The following DENND1A variants were observed in gnomAD, a reference collection of about 807,000 sequenced individuals.
DENND1A encodes DENN domain-containing protein 1A.
Under a neutral mutation model 113.7 loss-of-function variants are expected in DENND1A, and 51 were observed. The ratio of observed to expected loss-of-function variants is 0.45; its 90% CI spans 0.36 to 0.57. The LOEUF is 0.57. Among genes scored for constraint, DENND1A ranks in the 20% least tolerant of loss-of-function variants. The probability of loss-of-function intolerance (pLI) is 0.00; values close to 1 mark genes in which losing one functional copy is unlikely to be tolerated. For synonymous variants in DENND1A, 565 were observed against 570.8 expected (o/e 0.99, Z 0.14); for missense variants, 1,258 against 1,395.9 (o/e 0.90, Z 1.57).
chr9:123,575,678 T>C (rs902131895), intron 12 of DENND1A, among the ~76,000 whole-genome samples: 3 of 152,222 alleles, frequency 2.0e-5, no homozygotes, highest in African/African-American at 7.2e-5. Flanking sequence ...AAATACATTC[T>C]AGCCCACACC....
intron 1 of DENND1A, among the ~76,000 whole-genome samples, chr9:123,912,755 T>C (rs78570337): frequency 0.038 from 5,788 of 152,176 alleles, 113 homozygotes; most frequent in Middle Eastern, 0.048. Flanking sequence ...AGTAACGAGG[T>C]TCCCCTTTCC....
chr9:123,509,374 C>T (rs76530899), intron 13 of DENND1A, among the ~76,000 whole-genome samples: 3,380 of 152,282 alleles, frequency 0.022, 105 homozygotes, highest in African/African-American at 0.075. Context: ...TTGCCACTTG[C>T]TAGCTGACTA....
chr9:123,880,754 AG>A (rs1167311347), intron 1 of DENND1A, among the ~76,000 whole-genome samples: 1 of 152,174 alleles, frequency 6.6e-6, no homozygotes, highest in African/African-American at 2.4e-5. Flanking sequence ...GGCCAGGACC[AG>A]AACTCATGCC....
At chr9:123,484,442 T>C (rs914491621) in intron 13 of DENND1A, among the ~76,000 whole-genome samples, 2 of 152,196 alleles carry the variant, frequency 1.3e-5, no homozygotes, top group Non-Finnish European at 2.9e-5. Flanking sequence ...ATGGTTATCA[T>C]GCCTTTAGCA....
chr9:123,551,436 T>C (rs2135883092), intron 13 of DENND1A, among the ~76,000 whole-genome samples: 1 of 152,338 alleles, frequency 6.6e-6, no homozygotes, highest in South Asian at 2.1e-4. Context: ...AGAGAGTTAC[T>C]AACACGGAAC....
At chr9:123,690,382 CTG>C (rs899538276) in intron 5 of DENND1A, among the ~76,000 whole-genome samples, 20 of 152,072 alleles carry the variant, frequency 1.3e-4, no homozygotes, top group African/African-American at 4.6e-4. Flanking sequence ...CTGTTAAGTA[CTG>C]TTATTCATAA....
intron 3 of DENND1A, among the ~76,000 whole-genome samples, chr9:123,790,392 A>G (rs189650718): frequency 6.6e-6 from 1 of 152,214 alleles, no homozygotes; most frequent in Admixed American, 6.6e-5. Context: ...GAGGCGAAAA[A>G]AAAAAGGAAA....
intron 1 of DENND1A, among the ~76,000 whole-genome samples, chr9:123,893,769 G>T (rs149118881): frequency 6.6e-6 from 1 of 152,272 alleles, no homozygotes; most frequent in Non-Finnish European, 1.5e-5. Flanking sequence ...ATGAACTCAA[G>T]CCCAGGTCTG....
intron 2 of DENND1A, among the ~76,000 whole-genome samples, chr9:123,864,687 A>G (rs2133338266): frequency 6.6e-6 from 1 of 152,212 alleles, no homozygotes; most frequent in African/African-American, 2.4e-5. Context: ...TGCCGCTAAT[A>G]TAAATGCCCT....
At chr9:123,465,891 G>A (rs548579342) in intron 13 of DENND1A, among the ~76,000 whole-genome samples, 2 of 152,282 alleles carry the variant, frequency 1.3e-5, no homozygotes, top group South Asian at 2.1e-4. Flanking sequence ...TAACTCATAT[G>A]TACAATTGTA....
At chr9:123,391,374 G>A (rs1374040664) in intron 21 of DENND1A, among the ~76,000 whole-genome samples, 1 of 152,188 alleles carries the variant, frequency 6.6e-6, no homozygotes, top group Non-Finnish European at 1.5e-5. Flanking sequence ...ACAAGCCTTG[G>A]GCGAAATGCT....
chr9:123,710,542 C>T (rs1422642919), intron 5 of DENND1A, among the ~76,000 whole-genome samples: 2 of 150,700 alleles, frequency 1.3e-5, no homozygotes, highest in Admixed American at 6.6e-5. Flanking sequence ...TAAACACACA[C>T]ACACACACAC....
At chr9:123,511,990 G>A (rs1412639240) in intron 13 of DENND1A, among the ~76,000 whole-genome samples, 1 of 152,204 alleles carries the variant, frequency 6.6e-6, no homozygotes, top group Non-Finnish European at 1.5e-5. Context: ...CAAAATCAGA[G>A]AGGAAAATGA....
At chr9:123,620,763 C>T (rs1169098124) in intron 10 of DENND1A, among the ~76,000 whole-genome samples, 3 of 152,098 alleles carry the variant, frequency 2.0e-5, no homozygotes, top group African/African-American at 7.2e-5. Flanking sequence ...AAACTAAATT[C>T]CTGGTCCTTA....
rs1486010227 is a variant in DENND1A at position 123,764,977 on chromosome 9, G to A, written c.182+4537C>T. Among the ~76,000 whole-genome samples the A allele has an allele frequency of 6.6e-6, 1 of 152,134 alleles. No homozygotes were observed. Among genetic ancestry groups the A allele is most frequent in the East Asian group, 1.9e-4 (1 of 5,192 alleles). On this transcript the variant is annotated intron_variant, in intron 4 of 23. Coordinates refer to ENST00000394215, the MANE Select transcript of DENND1A (RefSeq NM_001352964.2). This position sits in a 1 kb window ranked among gnomAD's most constrained non-coding sequence, Gnocchi z 4.1. ...ACCTATATTGTATGCTAAACCAAGG[G>A]ACTTCAAGGGCCCAGTGGGTTCAGG...
intron 5 of DENND1A, among the ~76,000 whole-genome samples, chr9:123,740,901 AGAGAGAGAGAGAGAG>A (rs2068959785): frequency 1.1e-5 from 1 of 91,062 alleles, no homozygotes; most frequent in African/African-American, 5.2e-5. Flanking sequence ...AGGGAAAGTG[AGAGAGAGAGAGAGAG>A]AGAGAGAGAG....
At chr9:123,400,660 A>G (rs2043388746) in intron 21 of DENND1A, 1 of 152,146 alleles carries the variant, frequency 6.6e-6, no homozygotes, top group Non-Finnish European at 1.5e-5. Flanking sequence ...AGCTCACGGC[A>G]GCCTCCGCCT....
chr9:123,454,816 G>T, intron 15 of DENND1A, 37 bp from the exon 16 acceptor site: 1 of 1,531,806 alleles, frequency 6.5e-7, no homozygotes, highest in Non-Finnish European at 8.9e-7. Context: ...GTCACTTAAA[G>T]AGGTGATTTG....
chr9:123,473,254 A>G (rs529074117), intron 13 of DENND1A, among the ~76,000 whole-genome samples: 1 of 152,274 alleles, frequency 6.6e-6, no homozygotes, highest in East Asian at 1.9e-4. Flanking sequence ...AGACAGGCTG[A>G]CTGAGGATGT....
Sources: allele counts gnomAD v4.1 joint callset (sites outside exome capture counted in the v4.1 genomes callset), GRCh38; gene constraint gnomAD v4.1.1; non-coding constraint Gnocchi (gnomAD v3.1); transcripts MANE v1.5; gene names NCBI Gene and HGNC (gene_info 2026-07-23, HGNC 2026-07-21).